TMTC2: variants seen among roughly 807,000 people sequenced by gnomAD.
TMTC2 encodes protein O-mannosyl-transferase TMTC2.
Under a neutral mutation model 82.4 loss-of-function variants are expected in TMTC2, and 43 were observed. The observed-to-expected ratio is 0.52, with a 90% CI of 0.41 to 0.67. The LOEUF is 0.67. Ranked by LOEUF, TMTC2 falls within the 30% of genes least tolerant of loss-of-function variation. The probability of loss-of-function intolerance (pLI) is 0.00; values close to 1 mark genes in which losing one functional copy is unlikely to be tolerated. For synonymous variants in TMTC2, 408 were observed against 381.9 expected, an observed-to-expected ratio of 1.07 and a Z score of -0.80; for missense variants, 919 against 1,012.4, an observed-to-expected ratio of 0.91 and a Z score of 1.25.
chr12:82,997,229 A>G (rs1245732978), intron 8 of TMTC2, among the ~76,000 whole-genome samples: 2 of 122,722 alleles, frequency 1.6e-5, no homozygotes, highest in East Asian at 4.5e-4. Flanking sequence ...CTCTATATAT[A>G]TATATAGTTA....
intron 2 of TMTC2, among the ~76,000 whole-genome samples, chr12:82,891,164 T>A (rs1340466107): frequency 6.6e-6 from 1 of 152,194 alleles, no homozygotes; most frequent in Non-Finnish European, 1.5e-5. Flanking sequence ...CCATAAACCA[T>A]AGCATAGGGA....
chr12:83,012,269 A>T (rs950011346), intron 8 of TMTC2, among the ~76,000 whole-genome samples: 2 of 152,200 alleles, frequency 1.3e-5, no homozygotes, highest in Admixed American at 6.5e-5. Flanking sequence ...TGGACAAAAA[A>T]ATGAGAGAAG....
Position 82,805,241 on chromosome 12 carries a change from C to T in TMTC2, c.84-51769C>T, listed in dbSNP as rs770664562. Among the ~76,000 whole-genome samples the T allele has an allele frequency of 3.3e-5, 5 of 152,102 alleles. No homozygotes were observed. In the South Asian group the frequency reaches 6.2e-4, roughly 19 times the overall value. On this transcript the variant is annotated intron_variant, in intron 1 of 11. Coordinates refer to ENST00000321196, the MANE Select transcript of TMTC2 (RefSeq NM_152588.3). ...GATAAGGAAGAGGAACAAGCTATGA[C>T]CTAATGCTTGCTTGGACCAGTATAA...
intron 3 of TMTC2, among the ~76,000 whole-genome samples, chr12:82,896,854 T>C (rs984842538): frequency 5.9e-5 from 9 of 152,108 alleles, no homozygotes; most frequent in African/African-American, 2.2e-4. Flanking sequence ...AATAAGAAAA[T>C]ATTTTTCTGT....
At position 82,910,877 on chromosome 12, in the gene TMTC2, CT is replaced by C. The variant is rs149998904; in HGVS notation, c.1483+14245del. On this transcript the variant is annotated intron_variant, in intron 3 of 11. Coordinates refer to ENST00000321196, the MANE Select transcript of TMTC2 (RefSeq NM_152588.3). The stretch of plus-strand genomic sequence containing the variant: ...GCTAGGGTCTCTGGGTTGTTTTTTT[CT>C]TTTTTTTTTTTTTAGAGACAGAGGC... 4.1e-3 allele frequency among the ~76,000 whole-genome samples: 579 copies of C among 141,388 alleles called. 1 individual carries two copies. Among genetic ancestry groups the C allele is most frequent in the Non-Finnish European group, 3.7e-3 (239 of 64,104 alleles). The allele number at this position is 141,388 out of a possible 152,430, so 92.8% of individuals were successfully genotyped here. A position where few individuals can be genotyped will look rare whatever the true frequency, so the allele number is the denominator to read the frequency against.
chr12:82,901,273 TAGAG>T (rs974134194), intron 3 of TMTC2, among the ~76,000 whole-genome samples: 4 of 138,136 alleles, frequency 2.9e-5, no homozygotes, highest in Admixed American at 7.5e-5. Flanking sequence ...AATATATATA[TAGAG>T]AGAGTAATAT....
At chr12:83,096,765 A>G (rs1198444521) in intron 11 of TMTC2, among the ~76,000 whole-genome samples, 1 of 152,128 alleles carries the variant, frequency 6.6e-6, no homozygotes, top group Non-Finnish European at 1.5e-5. Flanking sequence ...GGATACAGCC[A>G]AACCATATCA....
At chr12:82,911,003 C>G (rs1401728102) in intron 3 of TMTC2, among the ~76,000 whole-genome samples, 3 of 152,026 alleles carry the variant, frequency 2.0e-5, no homozygotes, top group Non-Finnish European at 4.4e-5. Flanking sequence ...GCCTCAGCCT[C>G]CCGAGTAGCT....
intron 11 of TMTC2, among the ~76,000 whole-genome samples, chr12:83,071,625 C>T (rs914967930): frequency 8.5e-5 from 13 of 152,096 alleles, no homozygotes; most frequent in African/African-American, 3.1e-4. Context: ...TCTGTCTGGT[C>T]CTGGATATTT....
At chr12:83,085,855 A>G (rs1188685530) in intron 11 of TMTC2, among the ~76,000 whole-genome samples, 2 of 152,220 alleles carry the variant, frequency 1.3e-5, no homozygotes, top group Non-Finnish European at 2.9e-5. Flanking sequence ...AGTAAAGGCA[A>G]TAGTGGTATA....
intron 3 of TMTC2, among the ~76,000 whole-genome samples, chr12:82,899,904 A>G (rs1873904035): frequency 1.4e-5 from 2 of 141,848 alleles, no homozygotes; most frequent in South Asian, 2.2e-4. Flanking sequence ...GTAGGAATGT[A>G]TATACATATC....
At position 82,730,339 on chromosome 12, in the gene TMTC2, C is replaced by T. The variant is rs552713643; in HGVS notation, c.83+42670C>T. 4.7e-5 allele frequency among the ~76,000 whole-genome samples: 7 copies of T among 148,404 alleles called. No individual in the cohort carries two copies. The East Asian group carries it at 1.4e-3, about 30-fold the overall frequency. On this transcript the variant is annotated intron_variant, in intron 1 of 11. Transcript: ENST00000321196. ...AAAGCAGACCCTACCTCATCCACTC[C>T]CTATCTTATATAAAAAACAACCACT...
At chr12:82,848,014 A>G (rs1248027213) in intron 1 of TMTC2, among the ~76,000 whole-genome samples, 1 of 152,150 alleles carries the variant, frequency 6.6e-6, no homozygotes, top group Non-Finnish European at 1.5e-5. Context: ...GCTCCAAAAG[A>G]TAAATAAGAT....
intron 7 of TMTC2, among the ~76,000 whole-genome samples, chr12:82,974,484 G>A (rs1241767524): frequency 6.6e-6 from 1 of 152,180 alleles, no homozygotes; most frequent in African/African-American, 2.4e-5. Flanking sequence ...AGATAATTTT[G>A]TGTGAAGGAT....
intron 1 of TMTC2, among the ~76,000 whole-genome samples, chr12:82,775,785 A>G (rs1174506290): frequency 6.6e-6 from 1 of 152,118 alleles, no homozygotes; most frequent in Non-Finnish European, 1.5e-5. Flanking sequence ...GCACTGTGGT[A>G]GGGAAAGTAA....
intron 1 of TMTC2, among the ~76,000 whole-genome samples, chr12:82,732,500 G>A (rs1436537552): frequency 1.3e-5 from 2 of 152,156 alleles, no homozygotes; most frequent in African/African-American, 2.4e-5. Flanking sequence ...CCGCCACCAC[G>A]CTTGGCTAAT....
In TMTC2 at chr12:82,876,058, T is replaced by C. The variant is rs1157239610; in HGVS notation, c.654+18478T>C. Among the ~76,000 whole-genome samples the C allele has an allele frequency of 3.7e-3, 416 of 112,270 alleles. 2 individuals are homozygous for C. Among genetic ancestry groups the C allele is most frequent in the African/African-American group, 0.013 (386 of 30,796 alleles). The allele number at this position is 112,270 out of a possible 152,430, so 73.7% of individuals were successfully genotyped here. On this transcript the variant is annotated intron_variant, in intron 2 of 11. Coordinates refer to ENST00000321196, the MANE Select transcript of TMTC2 (RefSeq NM_152588.3). ...GTGGTGGTGGTGGTGGTGGTGGTGG[T>C]GGTGGTGGTGATGATGATGATGGTG...
chr12:82,818,702 G>A (rs1868896688), intron 1 of TMTC2, among the ~76,000 whole-genome samples: 1 of 152,088 alleles, frequency 6.6e-6, no homozygotes, highest in Non-Finnish European at 1.5e-5. Context: ...AAATAGTTTT[G>A]TAGCATTTTC....
chr12:82,972,103 C>G (rs887746461), intron 7 of TMTC2, among the ~76,000 whole-genome samples: 1 of 152,066 alleles, frequency 6.6e-6, no homozygotes, highest in African/African-American at 2.4e-5. Context: ...TTATGTGATA[C>G]TTAAGAAATA....
Sources: gnomAD v4.1 joint callset for allele counts (sites outside exome capture counted in the v4.1 genomes callset) on GRCh38, gnomAD v4.1.1 for gene constraint, MANE v1.5 for transcripts, NCBI Gene and HGNC (gene_info 2026-07-23, HGNC 2026-07-21) for gene names.